Variants in KCNAB1 observed in about 807,000 individuals in gnomAD.
KCNAB1 encodes the protein voltage-gated potassium channel subunit beta-1.
KCNAB1 carries 35 observed loss-of-function variants against 64.6 expected under a neutral mutation model. The observed-to-expected ratio is 0.54, with a 90% CI of 0.41 to 0.72. The LOEUF is 0.72. Among genes scored for constraint, KCNAB1 ranks in the 30% least tolerant of loss-of-function variants. The probability of loss-of-function intolerance (pLI) is 0.00; values close to 1 mark genes in which losing one functional copy is unlikely to be tolerated. For synonymous variants in KCNAB1, 177 were observed against 183.8 expected (o/e 0.96, Z 0.30); for missense variants, 401 against 512.9 (o/e 0.78, Z 2.11).
chr3:156,338,325 T>TTTTTTTTTTTTG (rs1723869677), intron 1 of KCNAB1, among the ~76,000 whole-genome samples: 1 of 134,584 alleles, frequency 7.4e-6, no homozygotes, highest in Non-Finnish European at 1.6e-5. Flanking sequence ...TTTTTTTTTT[T>TTTTTTTTTTTTG]TTTTTACAGA....
chr3:156,126,564 T>A (rs4680233), intron 1 of KCNAB1, among the ~76,000 whole-genome samples: 82,543 of 151,992 alleles, frequency 0.54, 23,451 homozygotes, highest in Admixed American at 0.71. Flanking sequence ...AAGTGAAGTG[T>A]AGCTGGGCCT....
chr3:156,347,981 G>T (rs1724593672), intron 1 of KCNAB1, among the ~76,000 whole-genome samples: 1 of 152,162 alleles, frequency 6.6e-6, no homozygotes, highest in South Asian at 2.1e-4. Flanking sequence ...GTCAGGCATT[G>T]TTATACACAC....
intron 1 of KCNAB1, among the ~76,000 whole-genome samples, chr3:156,336,635 T>C (rs1439101031): frequency 6.6e-6 from 1 of 152,238 alleles, no homozygotes; most frequent in East Asian, 1.9e-4. Context: ...TATGTGTTCA[T>C]GGTAAATTTC....
intron 8 of KCNAB1, among the ~76,000 whole-genome samples, chr3:156,485,541 G>T (rs551542096): frequency 2.2e-4 from 33 of 151,522 alleles, no homozygotes; most frequent in African/African-American, 7.5e-4. Flanking sequence ...TGCTTTTTTG[G>T]GGGGGGCATG....
At chr3:156,185,191 T>A (rs1462301949) in intron 1 of KCNAB1, among the ~76,000 whole-genome samples, 1 of 152,188 alleles carries the variant, frequency 6.6e-6, no homozygotes, top group Non-Finnish European at 1.5e-5. Context: ...TTAGCAAAGC[T>A]CTTCCCCAGC....
intron 1 of KCNAB1, among the ~76,000 whole-genome samples, chr3:156,161,664 C>G (rs1431977086): frequency 1.3e-5 from 2 of 151,992 alleles, no homozygotes; most frequent in Non-Finnish European, 2.9e-5. Flanking sequence ...TTAATTCTAC[C>G]CACATATGGG....
At chr3:156,244,888 C>T (rs1249405806) in intron 1 of KCNAB1, among the ~76,000 whole-genome samples, 1 of 152,158 alleles carries the variant, frequency 6.6e-6, no homozygotes, top group Non-Finnish European at 1.5e-5. Context: ...ACCTCATTTG[C>T]CTGCTGTAGG....
chr3:156,330,196 G>A (rs1723240559), intron 1 of KCNAB1, among the ~76,000 whole-genome samples: 1 of 152,098 alleles, frequency 6.6e-6, no homozygotes, highest in Admixed American at 6.5e-5. Flanking sequence ...TATGGCTTAT[G>A]ATCAAATCCA....
At chr3:156,270,645 G>A (rs369262670) in intron 1 of KCNAB1, among the ~76,000 whole-genome samples, 1 of 151,968 alleles carries the variant, frequency 6.6e-6, no homozygotes, top group Non-Finnish European at 1.5e-5. Flanking sequence ...ATGCCATTGC[G>A]CTGTCTTGAA....
intron 12 of KCNAB1, among the ~76,000 whole-genome samples, chr3:156,525,539 G>A (rs1452776660): frequency 6.6e-6 from 1 of 152,066 alleles, no homozygotes; most frequent in Non-Finnish European, 1.5e-5. Flanking sequence ...GTTTTGAGAC[G>A]CAGTCTCGCT....
At chr3:156,422,750 G>A (rs930372357) in intron 2 of KCNAB1, among the ~76,000 whole-genome samples, 1 of 152,214 alleles carries the variant, frequency 6.6e-6, no homozygotes, top group African/African-American at 2.4e-5. Context: ...TCCTGGATGA[G>A]AGCACTAAGG....
intron 1 of KCNAB1, among the ~76,000 whole-genome samples, chr3:156,373,438 G>A (rs1726458609): frequency 6.6e-6 from 1 of 152,224 alleles, no homozygotes; most frequent in Non-Finnish European, 1.5e-5. Flanking sequence ...GAAGTGAAGA[G>A]TCAAGGCCTC....
chr3:156,407,085 T>C (rs938723784), intron 1 of KCNAB1, among the ~76,000 whole-genome samples: 9 of 152,214 alleles, frequency 5.9e-5, no homozygotes, highest in African/African-American at 2.2e-4. Context: ...CTTTTGGATC[T>C]TTTCTGTCTA....
At chr3:156,208,749 T>C (rs1336368004) in intron 1 of KCNAB1, among the ~76,000 whole-genome samples, 1 of 152,234 alleles carries the variant, frequency 6.6e-6, no homozygotes, top group Non-Finnish European at 1.5e-5. Flanking sequence ...CTGCTTGCCC[T>C]GGTATCACAA....
chr3:156,157,755 C>T (rs982732213), intron 1 of KCNAB1, among the ~76,000 whole-genome samples: 2 of 152,006 alleles, frequency 1.3e-5, no homozygotes, highest in Non-Finnish European at 2.9e-5. Context: ...AAATGGATAC[C>T]ATTAAATTAT....
At chr3:156,348,024 C>G (rs1238495728) in intron 1 of KCNAB1, among the ~76,000 whole-genome samples, 2 of 152,034 alleles carry the variant, frequency 1.3e-5, no homozygotes, top group African/African-American at 4.8e-5. Flanking sequence ...CACACAGGGC[C>G]CCTTTCTGCT....
intron 1 of KCNAB1, among the ~76,000 whole-genome samples, chr3:156,227,206 C>G (rs1716232780): frequency 6.6e-6 from 1 of 152,170 alleles, no homozygotes; most frequent in African/African-American, 2.4e-5. Context: ...CTCCACTGAT[C>G]AGTAACTAAT....
chr3:156,240,551 G>A (rs1459651917), intron 1 of KCNAB1, among the ~76,000 whole-genome samples: 6 of 152,006 alleles, frequency 3.9e-5, no homozygotes, highest in African/African-American at 1.4e-4. Context: ...AATAATATGT[G>A]AATACTGCTC....
intron 1 of KCNAB1, among the ~76,000 whole-genome samples, chr3:156,139,725 A>G (rs1714598239): frequency 6.6e-6 from 1 of 151,392 alleles, no homozygotes; most frequent in East Asian, 2.0e-4. Flanking sequence ...AAAGGTAGCT[A>G]TTGGGAGTTT....
Sources: allele counts gnomAD v4.1 joint callset (sites outside exome capture counted in the v4.1 genomes callset), GRCh38; gene constraint gnomAD v4.1.1; transcripts MANE v1.5; gene names NCBI Gene and HGNC (gene_info 2026-07-23, HGNC 2026-07-21).